The following ELF1 variants were observed in gnomAD, a reference collection of about 807,000 sequenced individuals.
ELF1 encodes ETS-related transcription factor Elf-1.
Under a neutral mutation model 59.9 loss-of-function variants are expected in ELF1, and 24 were observed. That is an observed-to-expected ratio of 0.40 (90% CI 0.29 to 0.56). ELF1 has a LOEUF of 0.56. Among genes scored for constraint, ELF1 ranks in the 20% least tolerant of loss-of-function variants. The pLI, the probability that ELF1 is intolerant of heterozygous loss-of-function variation, is 0.44. For synonymous variants in ELF1, 248 were observed against 266.2 expected (o/e 0.93, Z 0.67); for missense variants, 627 against 742.2 (o/e 0.84, Z 1.80).
At chr13:41,010,555 A>G (rs959427914) in intron 1 of ELF1, among the ~76,000 whole-genome samples, 4 of 150,902 alleles carry the variant, frequency 2.7e-5, no homozygotes, top group Non-Finnish European at 4.4e-5. Context: ...ATCGAAAACT[A>G]ATCTAGTTTA....
chr13:41,042,545 G>A (rs930426661), intron 1 of ELF1, among the ~76,000 whole-genome samples: 7 of 152,036 alleles, frequency 4.6e-5, no homozygotes, highest in Admixed American at 2.6e-4. Flanking sequence ...ACCTATGAGT[G>A]AGAACATGCG....
At chr13:40,961,095 A>G (rs1199864617) in intron 2 of ELF1, among the ~76,000 whole-genome samples, 1 of 152,220 alleles carries the variant, frequency 6.6e-6, no homozygotes, top group African/African-American at 2.4e-5. Flanking sequence ...GCAACTAAGC[A>G]GCCTCAATCT....
intron 5 of ELF1, among the ~76,000 whole-genome samples, chr13:40,947,534 A>G (rs1245147114): frequency 6.6e-6 from 1 of 152,230 alleles, no homozygotes; most frequent in Non-Finnish European, 1.5e-5. Context: ...AACATAGTTA[A>G]TCCTGGGCCT....
At chr13:40,938,076 C>G (rs960569517) in intron 8 of ELF1, among the ~76,000 whole-genome samples, 1 of 152,190 alleles carries the variant, frequency 6.6e-6, no homozygotes, top group Admixed American at 6.5e-5. Context: ...CTCGGCCTCC[C>G]AAAGTGTTGG....
intron 1 of ELF1, chr13:40,993,051 C>T: frequency 6.2e-7 from 1 of 1,604,708 alleles, no homozygotes; most frequent in Non-Finnish European, 8.5e-7. Flanking sequence ...GAAAAGGTTT[C>T]TTCCTGCTGG....
intron 1 of ELF1, among the ~76,000 whole-genome samples, chr13:40,991,374 T>C (rs1873844734): frequency 6.6e-6 from 1 of 152,238 alleles, no homozygotes; most frequent in African/African-American, 2.4e-5. Flanking sequence ...TTTCTGTAAA[T>C]ATAAAACTAC....
chr13:40,959,058 AC>A (rs1401385879), intron 2 of ELF1, 42 bp from the exon 3 acceptor site: 1 of 1,540,644 alleles, frequency 6.5e-7, no homozygotes, highest in African/African-American at 1.4e-5. Flanking sequence ...CAAAGGATTA[AC>A]ACAGTTTTGC....
chr13:40,974,395 A>G (rs927236896), intron 2 of ELF1, among the ~76,000 whole-genome samples: 35 of 152,340 alleles, frequency 2.3e-4, no homozygotes, highest in Admixed American at 8.5e-4. Context: ...TTAAAGGCAC[A>G]GGCTGGGTTA....
chr13:40,982,347 TAC>T lies in ELF1; in HGVS notation c.-228-67_-228-66del, dbSNP rs899743011. ...CACCCACTTAGGATATAATAACTGA[TAC>T]AGAGGGCAGTATCGCTAAAGCATTT... On this transcript the variant is annotated intron_variant, in intron 1 of 8. Coordinates refer to ENST00000239882, the MANE Select transcript of ELF1 (RefSeq NM_172373.4). 1.0e-5 allele frequency: 11 copies of T among 1,087,682 alleles called. No individual in the cohort carries two copies. In the African/African-American group the frequency reaches 1.5e-4, roughly 15 times the overall value. 67.4% of individuals were successfully genotyped at this position (1,087,682 alleles called of 1,614,324 possible).
At chr13:41,016,928 A>T (rs1402133555) in intron 1 of ELF1, among the ~76,000 whole-genome samples, 2 of 83,256 alleles carry the variant, frequency 2.4e-5, no homozygotes, top group African/African-American at 9.6e-5. Context: ...AAAAAAAAAA[A>T]AAAAAAAAAA....
chr13:40,940,403 A>AC lies in ELF1; in HGVS notation c.1256+517_1256+518insG, dbSNP rs1870067086. On this transcript the variant is annotated intron_variant, in intron 8 of 8. Transcript: ENST00000239882. ...ATTTAACTGAAAAAAAAAAAAAAAA[A>AC]AAAAAAAAAAAAAAACAAACCTACT... 6.1e-5 allele frequency among the ~76,000 whole-genome samples: 9 copies of AC among 148,212 alleles called. No homozygotes were observed. In the South Asian group the frequency reaches 1.0e-3, roughly 17 times the overall value.
chr13:41,034,035 C>T (rs554501863), intron 1 of ELF1, among the ~76,000 whole-genome samples: 1 of 152,170 alleles, frequency 6.6e-6, no homozygotes, highest in African/African-American at 2.4e-5. Context: ...AAAAAGTCAA[C>T]TTTATGATAA....
At chr13:41,011,547 G>A (rs1363752299) in intron 1 of ELF1, among the ~76,000 whole-genome samples, 1 of 152,022 alleles carries the variant, frequency 6.6e-6, no homozygotes, top group African/African-American at 2.4e-5. Flanking sequence ...GGGCTCAAGT[G>A]ATCCTCCCAC....
At chr13:40,980,619 T>C (rs1165320692) in intron 2 of ELF1, among the ~76,000 whole-genome samples, 3 of 152,150 alleles carry the variant, frequency 2.0e-5, no homozygotes, top group African/African-American at 7.2e-5. Flanking sequence ...CTAGAGCATA[T>C]TAGTGAGTGG....
chr13:40,936,669 G>C (rs1368167641), intron 8 of ELF1, among the ~76,000 whole-genome samples: 1 of 148,538 alleles, frequency 6.7e-6, no homozygotes, highest in African/African-American at 2.5e-5. Context: ...GCTGAGGCAG[G>C]AGAATGGCGT....
chr13:41,034,602 C>A (rs1363307804), intron 1 of ELF1, among the ~76,000 whole-genome samples: 1 of 152,014 alleles, frequency 6.6e-6, no homozygotes, highest in Non-Finnish European at 1.5e-5. Flanking sequence ...ATGGTTTTAT[C>A]TGTACTAAGA....
chr13:41,045,862 C>G (rs1290667227), intron 1 of ELF1, among the ~76,000 whole-genome samples: 1 of 152,170 alleles, frequency 6.6e-6, no homozygotes, highest in African/African-American at 2.4e-5. Flanking sequence ...ACTCATTGAT[C>G]TGTCTAATGT....
At chr13:40,969,914 G>A (rs1035501411) in intron 2 of ELF1, among the ~76,000 whole-genome samples, 3 of 152,052 alleles carry the variant, frequency 2.0e-5, no homozygotes, top group Non-Finnish European at 4.4e-5. Context: ...ATGTTGCCCG[G>A]GCTGGTAAAG....
chr13:40,939,388 T>C (rs1869990861), intron 8 of ELF1, among the ~76,000 whole-genome samples: 1 of 152,216 alleles, frequency 6.6e-6, no homozygotes, highest in Admixed American at 6.5e-5. Context: ...CTAGAGTTTT[T>C]TGTTTTGGTT....
Sources: allele counts gnomAD v4.1 joint callset (sites outside exome capture counted in the v4.1 genomes callset), GRCh38; gene constraint gnomAD v4.1.1; transcripts MANE v1.5; gene names NCBI Gene and HGNC (gene_info 2026-07-23, HGNC 2026-07-21).